The following WDR19 variants were observed in gnomAD, a reference collection of about 807,000 sequenced individuals.
WDR19 encodes the protein WD repeat domain 19.
In WDR19, 121 loss-of-function variants were observed where a neutral mutation model predicts 180.0. The ratio of observed to expected loss-of-function variants is 0.67; its 90% confidence interval spans 0.58 to 0.78. The LOEUF is 0.78. WDR19 is among the 30% of genes least tolerant of loss of function. The probability of loss-of-function intolerance (pLI) is 0.00; values close to 1 mark genes in which losing one functional copy is unlikely to be tolerated. For synonymous variants in WDR19, 497 were observed against 540.7 expected (o/e 0.92, Z 1.12); for missense variants, 1,450 against 1,640.7 (o/e 0.88, Z 2.01).
At chr4:39,252,149 A>G (rs1415696829) in intron 24 of WDR19, among the ~76,000 whole-genome samples, 1 of 151,992 alleles carries the variant, frequency 6.6e-6, no homozygotes, top group Non-Finnish European at 1.5e-5. Context: ...AAAATGTGGC[A>G]CATATACATC....
chr4:39,253,906 G>A lies in WDR19; in HGVS notation c.2877G>A (p.Arg959=), dbSNP rs747806533. The change falls in exon 26 of 37, where the codon AGG becomes AGA. Residue 959 remains arginine, a splice_region_variant and synonymous_variant. Transcript: ENST00000399820. ...QSLDGAKMVA[R]FFLQLGDYGS... is the part of the protein sequence containing the mutation. ...AGCTAATTAAAGTACTTTGCTTTAG[G>A]TTTTTTCTACAGCTTGGTGACTATG... 6 of 1,593,870 alleles carry A rather than the reference G, an allele frequency of 3.8e-6. No individual in the cohort carries two copies. The highest frequency in any genetic ancestry group is 5.1e-6 in the Non-Finnish European group (6 of 1,170,030).
At chr4:39,203,902 C>G (rs956147498) in intron 7 of WDR19, among the ~76,000 whole-genome samples, 180 bp downstream of exon 7, 1 of 152,170 alleles carries the variant, frequency 6.6e-6, no homozygotes, top group Admixed American at 6.5e-5. Flanking sequence ...TACTGACTAC[C>G]TGGCATTACA....
chr4:39,271,229 G>A (rs2109502127), intron 31 of WDR19, among the ~76,000 whole-genome samples: 1 of 152,218 alleles, frequency 6.6e-6, no homozygotes, highest in African/African-American at 2.4e-5. Flanking sequence ...CGTCCTTTAA[G>A]TCCATCACCC....
intron 14 of WDR19, among the ~76,000 whole-genome samples, chr4:39,222,234 T>A (rs1729774932): frequency 6.6e-6 from 1 of 152,190 alleles, no homozygotes; most frequent in African/African-American, 2.4e-5. Context: ...AAGCGTCTGT[T>A]CAAATTTTTT....
intron 36 of WDR19, among the ~76,000 whole-genome samples, chr4:39,280,276 G>C (rs1040017059): frequency 6.6e-6 from 1 of 151,924 alleles, no homozygotes; most frequent in Non-Finnish European, 1.5e-5. Flanking sequence ...TAGCATCTTT[G>C]ATGCACAAGT....
rs116534330 is a variant in WDR19, at chr4:39,253,013, T to C, written c.2730-133T>C. On this transcript the variant is annotated intron_variant, in intron 24 of 36. Coordinates refer to ENST00000399820, the MANE Select transcript of WDR19 (RefSeq NM_025132.4). ...GGGATGGTTCCTGGTATTTTTCTGA[T>C]AAAGGAAAAAGAAGTTCAGGAAAAA... 7.5e-4 allele frequency: 625 copies of C among 831,050 alleles called. 2 individuals carry two copies. The African/African-American group carries it at 9.8e-3, about 13-fold the overall frequency. 51.5% of individuals were successfully genotyped at this position (831,050 alleles called of 1,614,324 possible). A position where few individuals can be genotyped will look rare whatever the true frequency, so the allele number is the denominator to read the frequency against.
At chr4:39,282,290 G>A (rs1483990833) in intron 36 of WDR19, among the ~76,000 whole-genome samples, 1 of 152,214 alleles carries the variant, frequency 6.6e-6, no homozygotes, top group Non-Finnish European at 1.5e-5. Flanking sequence ...TGATTCTGTA[G>A]ATCATTTTGA....
intron 24 of WDR19, among the ~76,000 whole-genome samples, chr4:39,245,711 A>G (rs1050601441): frequency 2.6e-5 from 4 of 152,178 alleles, no homozygotes; most frequent in South Asian, 2.1e-4. Flanking sequence ...TGAAATTTTG[A>G]TATGGCATGA....
intron 9 of WDR19, among the ~76,000 whole-genome samples, chr4:39,208,048 T>C (rs1728127980): frequency 1.3e-5 from 2 of 152,096 alleles, no homozygotes; most frequent in Admixed American, 6.5e-5. Flanking sequence ...AAGTAGACTA[T>C]GAAAACTTAA....
At chr4:39,231,651 T>C (rs1730877304) in intron 17 of WDR19, 146 bp from the exon 18 acceptor site, 9 of 658,366 alleles carry the variant, frequency 1.4e-5, no homozygotes, top group Middle Eastern at 4.0e-4. Context: ...TAAGTGTTTT[T>C]TCATTACTTG....
At chr4:39,196,819 C>G (rs1261080221) in intron 5 of WDR19, among the ~76,000 whole-genome samples, 1 of 152,198 alleles carries the variant, frequency 6.6e-6, no homozygotes, top group Non-Finnish European at 1.5e-5. Context: ...TCATGTTCTT[C>G]CCTCCTCATT....
In WDR19 at chr4:39,268,736, G is replaced by A. The variant is rs185673869; in HGVS notation, c.3358+645G>A. Among the ~76,000 whole-genome samples the A allele has an allele frequency of 1.5e-3, 227 of 152,228 alleles. 1 individual carries two copies. The highest frequency in any genetic ancestry group is 5.3e-3 in the African/African-American group (219 of 41,514). ...ACAACACCTTCTTCCTGTCAGATGC[G>A]TGCTAGGAGCTCAGGATACAGAGAG... On this transcript the variant is annotated intron_variant, in intron 30 of 36. Transcript: ENST00000399820.
chr4:39,229,773 T>C (rs975504938), intron 17 of WDR19, among the ~76,000 whole-genome samples: 2 of 152,188 alleles, frequency 1.3e-5, no homozygotes, highest in Non-Finnish European at 2.9e-5. Flanking sequence ...ATCTTAAACC[T>C]GTACTTACAA....
chr4:39,270,577 C>T (rs912156658), intron 31 of WDR19, among the ~76,000 whole-genome samples: 4 of 152,076 alleles, frequency 2.6e-5, no homozygotes, highest in African/African-American at 9.7e-5. Context: ...GGGGTTTCAC[C>T]ATGTTGGCCA....
rs960252707 is a variant in WDR19, at chr4:39,270,179, A to G, written c.3483+79A>G. 9.0e-6 allele frequency: 14 copies of G among 1,558,296 alleles called. No individual in the cohort carries two copies. In the East Asian group the frequency reaches 3.2e-4, roughly 35 times the overall value. On this transcript the variant is annotated intron_variant, in intron 31 of 36. Transcript: ENST00000399820. ...TGAGATTTTCTCCAGGCCCTTCTCC[A>G]TTGGATTCGAGTGATTGTCTAGATG...
At chr4:39,183,547 C>T (rs1725200473) in intron 1 of WDR19, among the ~76,000 whole-genome samples, 1 of 152,134 alleles carries the variant, frequency 6.6e-6, no homozygotes, top group Admixed American at 6.5e-5. Context: ...CCGCGCCCGG[C>T]TGGAAGGCTC....
intron 28 of WDR19, among the ~76,000 whole-genome samples, chr4:39,262,170 G>T (rs1473519658): frequency 6.6e-6 from 1 of 152,044 alleles, no homozygotes; most frequent in Non-Finnish European, 1.5e-5. Context: ...AATTGATCTG[G>T]GACTAAAACC....
At chr4:39,244,081 T>TAA (rs142411527) in intron 21 of WDR19, among the ~76,000 whole-genome samples, 167 bp from the exon 22 acceptor site, 23 of 149,760 alleles carry the variant, frequency 1.5e-4, no homozygotes, top group African/African-American at 5.6e-4. Context: ...TGGGTTTTTT[T>TAA]AAAAAAAAAA....
At chr4:39,277,305 G>T (rs1413751015) in intron 34 of WDR19, 162 bp downstream of exon 34, 10 of 820,138 alleles carry the variant, frequency 1.2e-5, no homozygotes, top group Non-Finnish European at 1.8e-5. Flanking sequence ...AGTTAAAGGT[G>T]ATATTCAAAG....
Sources: gnomAD v4.1 joint callset for allele counts (sites outside exome capture counted in the v4.1 genomes callset) on GRCh38, gnomAD v4.1.1 for gene constraint, MANE v1.5 for transcripts, NCBI Gene and HGNC (gene_info 2026-07-23, HGNC 2026-07-21) for gene names.